The following KIAA1217 variants were observed in gnomAD, a reference collection of about 807,000 sequenced individuals.
KIAA1217 encodes the protein sickle tail protein homolog.
Under a neutral mutation model 163.9 loss-of-function variants are expected in KIAA1217, and 88 were observed. The ratio of observed to expected loss-of-function variants is 0.54; its 90% CI spans 0.45 to 0.64. The LOEUF is 0.64. KIAA1217 is among the 30% of genes least tolerant of loss of function. The probability of loss-of-function intolerance (pLI) is 0.00; values close to 1 mark genes in which losing one functional copy is unlikely to be tolerated. For synonymous variants in KIAA1217, 903 were observed against 923.1 expected, an observed-to-expected ratio of 0.98 and a Z score of 0.39; for missense variants, 2,372 against 2,475.0, an observed-to-expected ratio of 0.96 and a Z score of 0.88.
intron 1 of KIAA1217, among the ~76,000 whole-genome samples, chr10:23,697,473 A>C (rs1011754384): frequency 2.6e-5 from 4 of 152,098 alleles, no homozygotes; most frequent in Non-Finnish European, 5.9e-5. Flanking sequence ...GAAGGTGATA[A>C]ATTCCAAGGT....
At chr10:24,407,941 A>G (rs930025843) in intron 3 of KIAA1217, among the ~76,000 whole-genome samples, 2 of 152,232 alleles carry the variant, frequency 1.3e-5, no homozygotes, top group African/African-American at 4.8e-5. Context: ...AATGGCCAAT[A>G]TAACATATTT....
intron 2 of KIAA1217, among the ~76,000 whole-genome samples, chr10:24,252,578 CA>C (rs1488464408): frequency 7.3e-5 from 11 of 151,552 alleles, no homozygotes; most frequent in African/African-American, 2.4e-4. Context: ...ACACTGTGTC[CA>C]AAAAAGAAAG....
intron 2 of KIAA1217, among the ~76,000 whole-genome samples, chr10:24,189,753 T>G (rs953198319): frequency 6.6e-6 from 1 of 152,150 alleles, no homozygotes; most frequent in Non-Finnish European, 1.5e-5. Context: ...AGTGGCTCAC[T>G]CCTGTAATCC....
At position 24,302,455 on chromosome 10, in the gene KIAA1217, T is replaced by C. The variant is rs565259316; in HGVS notation, c.355-78414T>C. ...ATACACTTCCTAATGTGTTGCTCTT[T>C]TATGAGTGAATTACCTTTAATTTGG... On this transcript the variant is annotated intron_variant, in intron 2 of 20. Transcript: ENST00000376454. 1.2e-4 allele frequency among the ~76,000 whole-genome samples: 19 copies of C among 152,322 alleles called. No individual in the cohort carries two copies. The East Asian group carries it at 3.3e-3, about 26-fold the overall frequency.
chr10:23,858,678 C>T (rs532263920), intron 1 of KIAA1217, among the ~76,000 whole-genome samples: 1 of 152,240 alleles, frequency 6.6e-6, no homozygotes, highest in South Asian at 2.1e-4. Flanking sequence ...CCTAGGATCC[C>T]TCCAGTCTTC....
intron 1 of KIAA1217, among the ~76,000 whole-genome samples, chr10:23,698,812 T>A (rs183222025): frequency 1.4e-4 from 22 of 152,022 alleles, no homozygotes; most frequent in Middle Eastern, 3.4e-3. Context: ...TGAGACAGGG[T>A]CTTGCTCTAT....
chr10:24,478,399 C>T lies in KIAA1217; in HGVS notation c.1679+4339C>T, dbSNP rs143017899. ...TTCTTTCTAAAGATGCTTCAATGAG[C>T]ATCTAGTAATAATAAATTGCATCTA... On this transcript the variant is annotated intron_variant, in intron 6 of 20. Transcript: ENST00000376454. 1.2e-3 allele frequency among the ~76,000 whole-genome samples: 188 copies of T among 152,288 alleles called. No homozygotes were observed. The Middle Eastern group carries it at 0.017, about 14-fold the overall frequency.
intron 1 of KIAA1217, among the ~76,000 whole-genome samples, chr10:23,771,727 C>A (rs542914147): frequency 6.6e-6 from 1 of 152,278 alleles, no homozygotes; most frequent in African/African-American, 2.4e-5. Flanking sequence ...TGAGGGATTG[C>A]ATGTGTTTAA....
At chr10:24,256,944 A>C (rs1261517562) in intron 2 of KIAA1217, among the ~76,000 whole-genome samples, 1 of 152,222 alleles carries the variant, frequency 6.6e-6, no homozygotes, top group Non-Finnish European at 1.5e-5. Flanking sequence ...TATATGCAGG[A>C]GAGAAAGAAG....
chr10:24,337,911 G>A (rs1474662382), intron 2 of KIAA1217, among the ~76,000 whole-genome samples: 1 of 152,030 alleles, frequency 6.6e-6, no homozygotes, highest in African/African-American at 2.4e-5. Flanking sequence ...CCAAAATGCT[G>A]GGATTCCAGG....
At chr10:23,939,340 C>A (rs1843660614) in intron 1 of KIAA1217, among the ~76,000 whole-genome samples, 2 of 152,086 alleles carry the variant, frequency 1.3e-5, no homozygotes, top group African/African-American at 4.8e-5. Flanking sequence ...TACGGGGAGG[C>A]ATGCATGTGT....
intron 2 of KIAA1217, among the ~76,000 whole-genome samples, chr10:24,156,210 A>T (rs537534791): frequency 2.0e-5 from 3 of 152,280 alleles, no homozygotes; most frequent in Non-Finnish European, 4.4e-5. Flanking sequence ...TCTAGAGTAA[A>T]TGGTATCATA....
chr10:24,407,338 G>A (rs528245225), intron 3 of KIAA1217, among the ~76,000 whole-genome samples: 9 of 152,048 alleles, frequency 5.9e-5, no homozygotes, highest in Admixed American at 2.0e-4. Flanking sequence ...CTGTTGCCCC[G>A]GCTGGAGTAT....
At chr10:24,432,517 G>T (rs142336505) in intron 3 of KIAA1217, among the ~76,000 whole-genome samples, 1 of 151,824 alleles carries the variant, frequency 6.6e-6, no homozygotes, top group Non-Finnish European at 1.5e-5. Context: ...GTGCAGTGGC[G>T]CAATCATAGC....
At chr10:23,944,194 G>A (rs1843913038) in intron 1 of KIAA1217, among the ~76,000 whole-genome samples, 1 of 152,194 alleles carries the variant, frequency 6.6e-6, no homozygotes, top group East Asian at 1.9e-4. Context: ...GGAGGTGGAG[G>A]TGGGCAGATT....
intron 2 of KIAA1217, among the ~76,000 whole-genome samples, chr10:24,085,059 G>A (rs1036260712): frequency 5.3e-5 from 8 of 151,692 alleles, no homozygotes; most frequent in Admixed American, 3.3e-4. Context: ...GACTACAGGC[G>A]CCCGCCACCA....
At chr10:23,959,911 CTTTTTTTTTTTT>C (rs1326171008) in intron 1 of KIAA1217, among the ~76,000 whole-genome samples, 2 of 106,266 alleles carry the variant, frequency 1.9e-5, no homozygotes, top group African/African-American at 7.4e-5. Context: ...TCATAGACTT[CTTTTTTTTTTTT>C]TTTTTTTTTT....
chr10:24,334,973 C>T (rs2046160049), intron 2 of KIAA1217, among the ~76,000 whole-genome samples: 1 of 152,160 alleles, frequency 6.6e-6, no homozygotes, highest in Admixed American at 6.5e-5. Context: ...CACACAAAAA[C>T]TCATACATGA....
intron 2 of KIAA1217, among the ~76,000 whole-genome samples, chr10:24,256,130 A>T (rs2280172): frequency 0.73 from 109,498 of 150,686 alleles, 39,998 homozygotes; most frequent in Admixed American, 0.79. Context: ...AGGAGTTTCT[A>T]AAAGCAGGCA....
Sources: gnomAD v4.1 joint callset for allele counts (sites outside exome capture counted in the v4.1 genomes callset) on GRCh38, gnomAD v4.1.1 for gene constraint, MANE v1.5 for transcripts, NCBI Gene and HGNC (gene_info 2026-07-23, HGNC 2026-07-21) for gene names.